TOP1MT: variants seen among roughly 807,000 people sequenced by gnomAD.
The protein encoded by TOP1MT is DNA topoisomerase I, mitochondrial.
A neutral mutation model predicts 73.9 loss-of-function variants in TOP1MT; 80 were observed. The observed-to-expected ratio is 1.08, with a 90% CI of 0.90 to 1.30. The LOEUF (loss-of-function observed/expected upper bound fraction) is 1.30, where lower values mean the gene tolerates loss of function less well. Among genes scored for constraint, TOP1MT ranks in the 50% most tolerant of loss-of-function variants. The pLI, the probability that TOP1MT is intolerant of heterozygous loss-of-function variation, is 0.00. For missense variants in TOP1MT, 815 were observed against 808.0 expected, an observed-to-expected ratio of 1.01 and a Z score of -0.10; for synonymous variants, 338 against 326.4, an observed-to-expected ratio of 1.04 and a Z score of -0.38.
Position 143,334,791 on chromosome 8 carries a change from GC to G in TOP1MT, c.70del (p.Ala24ProfsTer28). 6.3e-7 allele frequency: 1 copy of G among 1,586,334 alleles called. No individual in the cohort carries two copies. Among genetic ancestry groups the G allele is most frequent in the Non-Finnish European group, 8.5e-7 (1 of 1,169,680 alleles). On this transcript the variant is annotated frameshift_variant, in exon 1 of 14. Coordinates refer to ENST00000329245, the MANE Select transcript of TOP1MT (RefSeq NM_052963.3). LOFTEE classifies it high-confidence loss of function. ...GCGCGAGCCCGGGACACCCCGGGAGGCCGGGCGGCGGGGGACCTCCCCGAGC... is the reference window on the plus strand; with the variant it reads ...GCGCGAGCCCGGGACACCCCGGGAGGCGGGCGGCGGGGGACCTCCCCGAGC... ...TLLGEVPRRPASRGVPGSRRT... is the reference protein window; with the variant it reads ...TLLGEVPRRPXSRGVPGSRRT...
At position 143,341,979 on chromosome 8, in the gene TOP1MT, GTTATTA is replaced by G. The variant is rs140409774; in HGVS notation, c.29+1235_29+1240del. ...TTATTATTAGAGACAGAGTCTCGCT[GTTATTA>G]TTATTATTAGAGACAGAGTCTCGCT... On this transcript the variant is annotated intron_variant, in intron 2 of 5. Transcript: ENST00000518007. This position sits in a 1 kb window ranked among gnomAD's most constrained non-coding sequence, Gnocchi z 4.1. Among the ~76,000 whole-genome samples, 84,664 of 128,578 alleles carry G rather than the reference GTTATTA, an allele frequency of 0.66. 29,707 individuals are homozygous for G. Among genetic ancestry groups the G allele is most frequent in the South Asian group, 0.84 (3,652 of 4,368 alleles). The allele number at this position is 128,578 out of a possible 152,430, so 84.4% of individuals were successfully genotyped here.
intron 3 of TOP1MT, among the ~76,000 whole-genome samples, chr8:143,328,710 C>T (rs574270158): frequency 2.6e-4 from 40 of 152,340 alleles, no homozygotes; most frequent in Admixed American, 8.5e-4. Context: ...CAAACACCCA[C>T]GAATAGGGAA....
At chr8:143,333,271 ACCC>A (rs1816909230) in intron 1 of TOP1MT, among the ~76,000 whole-genome samples, 1 of 151,848 alleles carries the variant, frequency 6.6e-6, no homozygotes, top group African/African-American at 2.4e-5. Context: ...ACATGGCAAA[ACCC>A]CCGTCTCTAC....
At chr8:143,346,390 G>C (rs1453090871), upstream of TOP1MT, among the ~76,000 whole-genome samples, 4 of 152,180 alleles carry the variant, frequency 2.6e-5, no homozygotes, top group Non-Finnish European at 5.9e-5. Context: ...TCTTGGACCA[G>C]GCATTGCCCC....
chr8:143,352,637 G>A (rs1817340540), intron 1 of TOP1MT, among the ~76,000 whole-genome samples: 1 of 152,194 alleles, frequency 6.6e-6, no homozygotes, highest in Non-Finnish European at 1.5e-5. Context: ...TGGGTTGGTT[G>A]GTTGGTCTAG....
In TOP1MT at chr8:143,330,878, T is replaced by C. The variant is rs924799905; in HGVS notation, c.238+346A>G. Among the ~76,000 whole-genome samples, 4 of 139,960 alleles carry C rather than the reference T, an allele frequency of 2.9e-5. No individual in the cohort carries two copies. The East Asian group carries it at 8.5e-4, about 30-fold the overall frequency. 91.8% of individuals were successfully genotyped at this position (139,960 alleles called of 152,430 possible). On this transcript the variant is annotated intron_variant, in intron 2 of 13. Coordinates refer to ENST00000329245, the MANE Select transcript of TOP1MT (RefSeq NM_052963.3). Reference sequence around the variant, plus strand: ...TCAAGTGACCGTTCTGTGATCCATGTGTGTACACGCAGTGTACGTACTGTG... The same window carrying C: ...TCAAGTGACCGTTCTGTGATCCATGCGTGTACACGCAGTGTACGTACTGTG...
intron 1 of TOP1MT, chr8:143,343,424 C>A (rs992110277): frequency 2.8e-6 from 1 of 358,472 alleles, no homozygotes. Flanking sequence ...CAAAAGTACA[C>A]CTGGCAAAGC....
rs1406105581 is a variant in TOP1MT, at chr8:143,344,949, A to T, written c.-72T>A. 1 of 152,394 alleles carries T rather than the reference A, an allele frequency of 6.6e-6. No individual in the cohort carries two copies. Among genetic ancestry groups the T allele is most frequent in the Non-Finnish European group, 1.5e-5 (1 of 68,180 alleles). 9.4% of individuals were successfully genotyped at this position (152,394 alleles called of 1,614,324 possible). ...CAGCTGTGGTCACAGGCACGAATTCATCACAGCCACAGTCATCAGCACGGG... is the reference window on the plus strand; with the variant it reads ...CAGCTGTGGTCACAGGCACGAATTCTTCACAGCCACAGTCATCAGCACGGG... On this transcript the variant is annotated 5_prime_UTR_variant, in exon 1 of 6. Coordinates refer to the TOP1MT transcript ENST00000518007. This position sits in a 1 kb window ranked among gnomAD's most constrained non-coding sequence, Gnocchi z 4.6.
At chr8:143,332,252 G>T (rs750708756) in intron 1 of TOP1MT, among the ~76,000 whole-genome samples, 1 of 152,234 alleles carries the variant, frequency 6.6e-6, no homozygotes, top group Non-Finnish European at 1.5e-5. Flanking sequence ...TCTGAGATGG[G>T]CCTGGGAGAA....
intron 3 of TOP1MT, among the ~76,000 whole-genome samples, chr8:143,326,958 G>A (rs1476727996): frequency 6.6e-6 from 1 of 152,164 alleles, no homozygotes; most frequent in Non-Finnish European, 1.5e-5. Flanking sequence ...ATGCCCTGAA[G>A]GCTGTCCTCA....
upstream of TOP1MT, among the ~76,000 whole-genome samples, chr8:143,349,301 C>T (rs1422945875): frequency 6.7e-6 from 1 of 149,870 alleles, no homozygotes; most frequent in Non-Finnish European, 1.5e-5. Context: ...CTCCCAGAGC[C>T]CCCCTCCCAC....
upstream of TOP1MT, among the ~76,000 whole-genome samples, chr8:143,356,615 G>A (rs6987968): frequency 0.12 from 16,567 of 141,176 alleles, 3,116 homozygotes; most frequent in African/African-American, 0.4. Context: ...GTGAAACCCC[G>A]TCTCTACTAA....
chr8:143,325,006 G>T (rs1816666220), intron 5 of TOP1MT, among the ~76,000 whole-genome samples: 1 of 152,226 alleles, frequency 6.6e-6, no homozygotes, highest in African/African-American at 2.4e-5. Context: ...TGGCCCAGCA[G>T]TCCCCTCTCC....
At chr8:143,321,934 A>ACACGCATGCCACACACGCACGC (rs768906205) in intron 7 of TOP1MT, among the ~76,000 whole-genome samples, 1 of 50,098 alleles carries the variant, frequency 2.0e-5, no homozygotes, top group Admixed American at 3.7e-4. Context: ...CATGCACGCC[A>ACACGCATGCCACACACGCACGC]CACACGCACG....
chr8:143,320,977 G>A (rs1816321264), intron 8 of TOP1MT, among the ~76,000 whole-genome samples: 1 of 152,168 alleles, frequency 6.6e-6, no homozygotes, highest in African/African-American at 2.4e-5. Flanking sequence ...TGACACACGT[G>A]CCCTTTTCAG....
intron 10 of TOP1MT, 115 bp downstream of exon 10, chr8:143,317,608 T>C: frequency 1.1e-6 from 1 of 883,492 alleles, no homozygotes; most frequent in Non-Finnish European, 1.7e-6. Context: ...TCAGCCCATT[T>C]CCCAAAGAAG....
At chr8:143,324,300 G>A (rs941228343) in intron 6 of TOP1MT, among the ~76,000 whole-genome samples, 158 bp from the exon 7 acceptor site, 10 of 152,238 alleles carry the variant, frequency 6.6e-5, no homozygotes, top group Non-Finnish European at 1.5e-5. Flanking sequence ...TGCCGGCAGT[G>A]AGCACCCATG....
At position 143,310,159 on chromosome 8, in the gene TOP1MT, T is replaced by G; in HGVS notation, c.1612A>C (p.Ser538Arg). The G allele has an allele frequency of 6.2e-7, 1 of 1,609,950 alleles. No homozygotes were observed. The highest frequency in any genetic ancestry group is 8.5e-7 in the Non-Finnish European group (1 of 1,178,344). Reference sequence around the variant, plus strand: ...TCCTCCTTGTCCGTGGCCTGCACACTCAGCTGCGCCAGCTGCTCCTGCAGC... The same window carrying G: ...TCCTCCTTGTCCGTGGCCTGCACACGCAGCTGCGCCAGCTGCTCCTGCAGC... ...EKLQEQLAQLSVQATDKEENK... is the reference protein window; with the variant it reads ...EKLQEQLAQLRVQATDKEENK... Residue 538 changes from serine (S) to arginine (R), a missense_variant, in exon 13 of 14, where the codon AGT (serine) becomes CGT (arginine). Physicochemically the swap from Ser to Arg is moderately radical, Grantham distance 110. Transcript: ENST00000329245.
chr8:143,359,295 C>A, upstream of TOP1MT: 1 of 985,058 alleles, frequency 1.0e-6, no homozygotes, highest in Non-Finnish European at 1.2e-6. Context: ...GCCAGCAAAG[C>A]GATCCAGGAG....
Sources: allele counts gnomAD v4.1 joint callset (sites outside exome capture counted in the v4.1 genomes callset), GRCh38; gene constraint gnomAD v4.1.1; non-coding constraint Gnocchi (gnomAD v3.1); transcripts MANE v1.5; gene names NCBI Gene and HGNC (gene_info 2026-07-23, HGNC 2026-07-21).